The following PCDH15 variants were observed in gnomAD, a reference collection of about 807,000 sequenced individuals.
The protein encoded by PCDH15 is protocadherin-15.
Under a neutral mutation model 178.5 loss-of-function variants are expected in PCDH15, and 129 were observed. The ratio of observed to expected loss-of-function variants is 0.72; its 90% CI spans 0.63 to 0.84. PCDH15 has a LOEUF of 0.84. Ranked by LOEUF, PCDH15 falls within the 40% of genes least tolerant of loss-of-function variation. The pLI, the probability that PCDH15 is intolerant of heterozygous loss-of-function variation, is 0.00. For missense variants in PCDH15, 2,230 were observed against 2,099.9 expected (o/e 1.06, Z -1.21); for synonymous variants, 800 against 732.0 (o/e 1.09, Z -1.50).
intron 2 of PCDH15, among the ~76,000 whole-genome samples, chr10:54,636,318 G>T (rs998654017): frequency 9.9e-5 from 15 of 151,818 alleles, no homozygotes; most frequent in African/African-American, 3.4e-4. Flanking sequence ...ATATTCATCT[G>T]CATGTCTCTA....
At chr10:54,261,499 A>G (rs2057312906) in intron 8 of PCDH15, among the ~76,000 whole-genome samples, 1 of 152,108 alleles carries the variant, frequency 6.6e-6, no homozygotes, top group African/African-American at 2.4e-5. Context: ...GCATTTGGAA[A>G]AAAAAATGTT....
At chr10:54,285,460 C>T (rs1004324341) in intron 8 of PCDH15, among the ~76,000 whole-genome samples, 1 of 152,018 alleles carries the variant, frequency 6.6e-6, no homozygotes, top group East Asian at 1.9e-4. Context: ...AAATAGCCAA[C>T]AGATATATGA....
At chr10:55,511,794 A>C (rs570981815) in intron 2 of PCDH15, among the ~76,000 whole-genome samples, 1 of 152,208 alleles carries the variant, frequency 6.6e-6, no homozygotes, top group African/African-American at 2.4e-5. Context: ...AAGCTTAGAA[A>C]TGATATTATT....
In PCDH15 at chr10:53,991,002, G is replaced by A. The variant is rs565979489; in HGVS notation, c.2868+4647C>T. ...CTGAGTCCCCCAGCACTGCCCGCCC[G>A]CCCACGCTGCACTCGAATTCTCGCC... On this transcript the variant is annotated intron_variant, in intron 21 of 37. Transcript: ENST00000644397. Among the ~76,000 whole-genome samples the A allele has an allele frequency of 1.6e-3, 238 of 152,192 alleles. 1 individual carries two copies. Among genetic ancestry groups the A allele is most frequent in the African/African-American group, 5.2e-3 (216 of 41,516 alleles).
At chr10:54,622,083 T>TGCCTA (rs374294385) in intron 2 of PCDH15, among the ~76,000 whole-genome samples, 82,972 of 151,154 alleles carry the variant, frequency 0.55, 22,760 homozygotes, top group Non-Finnish European at 0.57. Context: ...GAGTGATATA[T>TGCCTA]AGTAAGAATG....
At chr10:55,533,009 C>G (rs572540624) in intron 2 of PCDH15, among the ~76,000 whole-genome samples, 64 of 152,096 alleles carry the variant, frequency 4.2e-4, no homozygotes, top group African/African-American at 1.5e-3. Context: ...TCCTACACAT[C>G]TCCTTCTTTG....
At chr10:54,729,460 A>G (rs1403893431) in intron 1 of PCDH15, among the ~76,000 whole-genome samples, 1 of 151,686 alleles carries the variant, frequency 6.6e-6, no homozygotes, top group African/African-American at 2.4e-5. Flanking sequence ...AAATTCTTGA[A>G]GAAAATCTAG....
intron 8 of PCDH15, among the ~76,000 whole-genome samples, chr10:54,284,717 T>C (rs2058927138): frequency 6.6e-6 from 1 of 152,230 alleles, no homozygotes; most frequent in South Asian, 2.1e-4. Flanking sequence ...AAGTTGATGA[T>C]GCAGTTATGC....
chr10:54,717,185 AGGACATAGGCAT>A (rs1185138095), intron 1 of PCDH15, among the ~76,000 whole-genome samples: 3 of 127,670 alleles, frequency 2.3e-5, no homozygotes, highest in African/African-American at 9.3e-5. Context: ...ATTACCATTC[AGGACATAGGCAT>A]GGGCAAGGAC....
At chr10:55,447,744 T>C (rs1173353942) in intron 2 of PCDH15, among the ~76,000 whole-genome samples, 1 of 152,102 alleles carries the variant, frequency 6.6e-6, no homozygotes, top group African/African-American at 2.4e-5. Context: ...ATTAGAATTA[T>C]GTTCACATAA....
chr10:55,055,068 C>CT (rs1841263740), intron 2 of PCDH15, among the ~76,000 whole-genome samples: 1 of 152,132 alleles, frequency 6.6e-6, no homozygotes, highest in Non-Finnish European at 1.5e-5. Context: ...GCTTTGACGT[C>CT]TTCATCATGA....
At chr10:54,380,705 CATATATATATATATATATATATATAT>C (rs58171476) in intron 3 of PCDH15, among the ~76,000 whole-genome samples, 2 of 49,006 alleles carry the variant, frequency 4.1e-5, no homozygotes, top group Non-Finnish European at 7.1e-5. Context: ...ATATATGCTC[CATATATATATATATATATATATATAT>C]ATATATATAT....
intron 21 of PCDH15, among the ~76,000 whole-genome samples, chr10:53,978,297 C>T (rs1254898492): frequency 1.3e-5 from 2 of 152,188 alleles, no homozygotes; most frequent in African/African-American, 4.8e-5. Flanking sequence ...GGTTCCTAAA[C>T]TTCAATTACT....
At chr10:53,979,526 G>A (rs974065493) in intron 21 of PCDH15, among the ~76,000 whole-genome samples, 1 of 152,176 alleles carries the variant, frequency 6.6e-6, no homozygotes, top group African/African-American at 2.4e-5. Context: ...TACATTGTTG[G>A]CAAGTTTTCA....
At chr10:54,296,519 C>G (rs903975829) in intron 8 of PCDH15, among the ~76,000 whole-genome samples, 2 of 152,108 alleles carry the variant, frequency 1.3e-5, no homozygotes, top group African/African-American at 4.8e-5. Context: ...AGTCTCGCTT[C>G]TAAAAACCAC....
At chr10:54,102,194 G>A (rs2094825598) in intron 15 of PCDH15, among the ~76,000 whole-genome samples, 2 of 152,168 alleles carry the variant, frequency 1.3e-5, no homozygotes, top group African/African-American at 4.8e-5. Context: ...TGCAGGCATA[G>A]TCAAGAACAT....
chr10:53,809,039 C>G, intron 37 of PCDH15: 1 of 1,606,612 alleles, frequency 6.2e-7, no homozygotes, highest in East Asian at 2.2e-5. Flanking sequence ...ACTTCCTTGA[C>G]CTCCTCAACC....
At chr10:54,450,589 A>T (rs2076423779) in intron 3 of PCDH15, among the ~76,000 whole-genome samples, 1 of 151,788 alleles carries the variant, frequency 6.6e-6, no homozygotes, top group Admixed American at 6.6e-5. Context: ...TACAAAAGTT[A>T]CTAAAGGCAA....
chr10:54,627,467 C>T (rs570563768), intron 2 of PCDH15, among the ~76,000 whole-genome samples: 2 of 152,242 alleles, frequency 1.3e-5, no homozygotes, highest in South Asian at 4.1e-4. Flanking sequence ...GGAAGTTTGC[C>T]TGCACAAACT....
Sources: gnomAD v4.1 joint callset for allele counts (sites outside exome capture counted in the v4.1 genomes callset) on GRCh38, gnomAD v4.1.1 for gene constraint, MANE v1.5 for transcripts, NCBI Gene and HGNC (gene_info 2026-07-23, HGNC 2026-07-21) for gene names.